Variants in FAR2 observed in about 807,000 individuals in gnomAD.
The protein encoded by FAR2 is epididymis secretory protein Li 81.
FAR2 carries 19 observed loss-of-function variants against 56.0 expected under a neutral mutation model. The observed-to-expected ratio is 0.34, with a 90% CI of 0.24 to 0.50. The LOEUF (loss-of-function observed/expected upper bound fraction) is 0.50, where lower values mean the gene tolerates loss of function less well. FAR2 is among the 20% of genes least tolerant of loss of function. The pLI is 0.98. For missense variants in FAR2, 508 were observed against 642.2 expected (o/e 0.79, Z 2.26); for synonymous variants, 219 against 218.8 (o/e 1.00, Z -0.01).
chr12:29,273,418 T>A (rs971010688), intron 2 of FAR2, among the ~76,000 whole-genome samples: 1 of 152,170 alleles, frequency 6.6e-6, no homozygotes, highest in Non-Finnish European at 1.5e-5. Context: ...AGAGGCACTC[T>A]GGCCGCAGAC....
At chr12:29,192,259 C>T (rs770923219) in intron 1 of FAR2, among the ~76,000 whole-genome samples, 31 of 152,118 alleles carry the variant, frequency 2.0e-4, no homozygotes, top group South Asian at 8.3e-4. Context: ...ATAAATTAAA[C>T]GGATGCAAAT....
At chr12:29,236,767 A>T (rs1431184913) in intron 1 of FAR2, among the ~76,000 whole-genome samples, 2 of 150,944 alleles carry the variant, frequency 1.3e-5, no homozygotes, top group Non-Finnish European at 3.0e-5. Context: ...GCAAAATTAT[A>T]TCATTTCCTT....
intron 1 of FAR2, among the ~76,000 whole-genome samples, chr12:29,235,152 G>C (rs769259780): frequency 2.6e-5 from 4 of 152,058 alleles, no homozygotes; most frequent in Non-Finnish European, 4.4e-5. Flanking sequence ...CCCCTTGCTG[G>C]CTACATAACA....
intron 1 of FAR2, among the ~76,000 whole-genome samples, chr12:29,192,747 C>T (rs1262084169): frequency 6.6e-6 from 1 of 152,126 alleles, no homozygotes; most frequent in Non-Finnish European, 1.5e-5. Flanking sequence ...GAAATACCAA[C>T]ATCAACTAAT....
intron 10 of FAR2, among the ~76,000 whole-genome samples, chr12:29,322,911 G>C (rs566721320): frequency 3.3e-5 from 5 of 152,118 alleles, no homozygotes; most frequent in South Asian, 2.1e-4. Flanking sequence ...GCCCTGCTTC[G>C]GCTCACGCAC....
rs1472827909 is a variant in FAR2 at position 29,335,540 on chromosome 12, T to A, written c.*1746T>A. On this transcript the variant is annotated 3_prime_UTR_variant, in exon 12 of 12. Transcript: ENST00000536681. ...TAAGAATTCACTTTTGATTGTATGT[T>A]TTACCAATTCAATAATTCCACTAAT... is the stretch of plus-strand genomic sequence containing the variant. 1 of 152,162 alleles carries A rather than the reference T, an allele frequency of 6.6e-6. No individual in the cohort carries two copies. The highest frequency in any genetic ancestry group is 1.5e-5 in the Non-Finnish European group (1 of 68,028). 9.4% of individuals were successfully genotyped at this position (152,162 alleles called of 1,614,324 possible). A position where few individuals can be genotyped will look rare whatever the true frequency, so the allele number is the denominator to read the frequency against.
chr12:29,224,401 A>G (rs1336116712), intron 1 of FAR2, among the ~76,000 whole-genome samples: 1 of 152,228 alleles, frequency 6.6e-6, no homozygotes, highest in African/African-American at 2.4e-5. Flanking sequence ...TCAAACATAG[A>G]TTAAAGTAGC....
intron 1 of FAR2, among the ~76,000 whole-genome samples, chr12:29,198,497 G>T (rs772395520): frequency 7.2e-5 from 11 of 152,164 alleles, no homozygotes; most frequent in Non-Finnish European, 1.5e-4. Context: ...AAAGTGCTGG[G>T]ATATCAGGTG....
At chr12:29,258,586 A>T (rs543904511) in intron 1 of FAR2, among the ~76,000 whole-genome samples, 1 of 152,230 alleles carries the variant, frequency 6.6e-6, no homozygotes, top group Non-Finnish European at 1.5e-5. Flanking sequence ...TATCATGCCT[A>T]TTGCCAGCCA....
chr12:29,246,239 T>G (rs1436610208), intron 1 of FAR2, among the ~76,000 whole-genome samples: 1 of 152,158 alleles, frequency 6.6e-6, no homozygotes, highest in Non-Finnish European at 1.5e-5. Flanking sequence ...TGCACTATAT[T>G]TTTAAACATC....
intron 9 of FAR2, chr12:29,317,748 A>G (rs1591964749): frequency 6.5e-6 from 1 of 152,692 alleles, no homozygotes; most frequent in South Asian, 2.1e-4. Flanking sequence ...AGGCTGATGC[A>G]TGATGATCCC....
At chr12:29,322,017 T>C (rs1411469203) in intron 10 of FAR2, 93 bp downstream of exon 10, 5 of 1,421,456 alleles carry the variant, frequency 3.5e-6, no homozygotes, top group Non-Finnish European at 3.8e-6. Flanking sequence ...GAATAAGACG[T>C]TTGGTTATAG....
chr12:29,264,908 G>C (rs1948487834), intron 1 of FAR2, among the ~76,000 whole-genome samples: 1 of 151,828 alleles, frequency 6.6e-6, no homozygotes. Flanking sequence ...AAGAAGTCCA[G>C]AAGGTAATCC....
intron 3 of FAR2, among the ~76,000 whole-genome samples, chr12:29,295,711 C>A (rs1441080199): frequency 1.3e-5 from 2 of 148,148 alleles, no homozygotes; most frequent in Non-Finnish European, 3.0e-5. Flanking sequence ...CCCTTTTCTT[C>A]TCTAATTTTT....
At chr12:29,162,504 C>T (rs1196726327) in intron 1 of FAR2, among the ~76,000 whole-genome samples, 1 of 152,074 alleles carries the variant, frequency 6.6e-6, no homozygotes, top group Non-Finnish European at 1.5e-5. Context: ...ATTTAATCTG[C>T]TTGCAGGAAC....
At chr12:29,269,999 A>G (rs1948587433) in intron 1 of FAR2, among the ~76,000 whole-genome samples, 1 of 152,208 alleles carries the variant, frequency 6.6e-6, no homozygotes, top group African/African-American at 2.4e-5. Context: ...CCATGACCCC[A>G]GCCCTTCTCT....
chr12:29,286,415 T>G (rs1029164331), intron 2 of FAR2, among the ~76,000 whole-genome samples: 1 of 152,240 alleles, frequency 6.6e-6, no homozygotes, highest in Non-Finnish European at 1.5e-5. Flanking sequence ...TCTTCCTCGA[T>G]GACAATATCA....
At position 29,293,378 on chromosome 12, in the gene FAR2, G is replaced by A; in HGVS notation, c.268G>A (p.Asp90Asn). 1 of 1,612,836 alleles carries A rather than the reference G, an allele frequency of 6.2e-7. No individual in the cohort carries two copies. Among genetic ancestry groups the A allele is most frequent in the South Asian group, 1.1e-5 (1 of 90,822 alleles). The change falls in exon 3 of 12, where the codon GAC (aspartate) becomes AAC (asparagine). Residue 90 changes from aspartate to asparagine, a missense_variant. Transcript: ENST00000536681. ...RAIYADLNQN[D>N]FAISKEDMQE... ...TATTTATGCAGATCTCAATCAGAAT[G>A]ACTTTGCCATCAGCAAAGAGGACAT...
intron 1 of FAR2, among the ~76,000 whole-genome samples, chr12:29,229,106 G>C (rs952231470): frequency 6.6e-6 from 1 of 152,116 alleles, no homozygotes; most frequent in Non-Finnish European, 1.5e-5. Context: ...CGCTGAGTAT[G>C]GCAAGCTGAG....
Sources: allele counts gnomAD v4.1 joint callset (sites outside exome capture counted in the v4.1 genomes callset), GRCh38; gene constraint gnomAD v4.1.1; transcripts MANE v1.5; gene names NCBI Gene and HGNC (gene_info 2026-07-23, HGNC 2026-07-21).